ANO4: variants seen among roughly 807,000 people sequenced by gnomAD.
ANO4 encodes the protein anoctamin 4.
In ANO4, 69 loss-of-function variants were observed where a neutral mutation model predicts 141.9. The observed-to-expected ratio is 0.49, with a 90% CI of 0.40 to 0.59. The LOEUF (loss-of-function observed/expected upper bound fraction) is 0.59, where lower values mean the gene tolerates loss of function less well. Ranked by LOEUF, ANO4 falls within the 20% of genes least tolerant of loss-of-function variation. ANO4 has a pLI of 0.00. For missense variants in ANO4, 894 were observed against 1,162.2 expected, an observed-to-expected ratio of 0.77 and a Z score of 3.36; for synonymous variants, 350 against 394.3, an observed-to-expected ratio of 0.89 and a Z score of 1.33.
At chr12:100,995,104 G>A (rs1039181967) in intron 8 of ANO4, among the ~76,000 whole-genome samples, 5 of 150,592 alleles carry the variant, frequency 3.3e-5, no homozygotes, top group Admixed American at 3.3e-4. Context: ...AAATGCTATG[G>A]GAACAGAGAA....
intron 2 of ANO4, among the ~76,000 whole-genome samples, chr12:100,918,943 A>T (rs982467373): frequency 1.3e-5 from 2 of 152,132 alleles, no homozygotes; most frequent in Admixed American, 6.6e-5. Flanking sequence ...AATAAGTGAC[A>T]TTGATAATCC....
At chr12:100,739,752 G>C in intron 2 of ANO4, 1 of 655,228 alleles carries the variant, frequency 1.5e-6, no homozygotes, top group Non-Finnish European at 2.8e-6. Context: ...AGCTCAAATG[G>C]TATTTGGTTT....
intron 13 of ANO4, among the ~76,000 whole-genome samples, chr12:101,046,876 G>A (rs1381058668): frequency 6.6e-6 from 1 of 152,200 alleles, no homozygotes; most frequent in Non-Finnish European, 1.5e-5. Flanking sequence ...GATCTGGGTA[G>A]CCAAAACAAT....
intron 3 of ANO4, among the ~76,000 whole-genome samples, chr12:100,781,745 A>G (rs1209463182): frequency 6.6e-6 from 1 of 152,220 alleles, no homozygotes; most frequent in Non-Finnish European, 1.5e-5. Context: ...ATCCCCTGCC[A>G]TGGATGCATG....
At chr12:100,877,342 CTATAA>C (rs1388680780) in intron 1 of ANO4, among the ~76,000 whole-genome samples, 3 of 151,020 alleles carry the variant, frequency 2.0e-5, no homozygotes, top group Non-Finnish European at 4.4e-5. Context: ...TTTAATCATT[CTATAA>C]TATATGATAT....
At chr12:100,971,434 C>T (rs781254474) in intron 6 of ANO4, 28 bp downstream of exon 6, 1 of 1,430,004 alleles carries the variant, frequency 7.0e-7, no homozygotes, top group Non-Finnish European at 9.8e-7. Flanking sequence ...TTATTCCACT[C>T]TCTCTGCTGC....
At chr12:101,015,391 T>C (rs1008501338) in intron 8 of ANO4, among the ~76,000 whole-genome samples, 2 of 152,184 alleles carry the variant, frequency 1.3e-5, no homozygotes, top group Non-Finnish European at 2.9e-5. Context: ...TTTGAACCTT[T>C]TCTCCTTGTC....
intron 5 of ANO4, among the ~76,000 whole-genome samples, chr12:100,965,259 T>C (rs1015968990): frequency 6.6e-6 from 1 of 151,596 alleles, no homozygotes; most frequent in Non-Finnish European, 1.5e-5. Context: ...AGGCACGGGA[T>C]TTTTTTTTCA....
chr12:100,807,718 C>A (rs2035147565), intron 1 of ANO4, among the ~76,000 whole-genome samples: 1 of 152,162 alleles, frequency 6.6e-6, no homozygotes, highest in African/African-American at 2.4e-5. Context: ...CCCTCCGCCC[C>A]TGACAGGCCC....
chr12:101,092,684 A>G (rs1036909477), intron 17 of ANO4, among the ~76,000 whole-genome samples: 3 of 152,108 alleles, frequency 2.0e-5, no homozygotes, highest in African/African-American at 7.2e-5. Flanking sequence ...ATTTTTCACA[A>G]GGTTAATATT....
intron 1 of ANO4, among the ~76,000 whole-genome samples, chr12:100,833,157 A>G (rs2036721445): frequency 6.6e-6 from 1 of 152,114 alleles, no homozygotes; most frequent in Non-Finnish European, 1.5e-5. Flanking sequence ...GGAGAGGGTA[A>G]TGAAAATGAA....
At chr12:100,972,315 A>G (rs1289591231) in intron 6 of ANO4, among the ~76,000 whole-genome samples, 2 of 152,258 alleles carry the variant, frequency 1.3e-5, no homozygotes, top group South Asian at 4.1e-4. Flanking sequence ...TTATAGAGAC[A>G]GAGAGAAGGG....
chr12:101,024,295 T>C (rs2046645649), intron 9 of ANO4, among the ~76,000 whole-genome samples: 1 of 152,158 alleles, frequency 6.6e-6, no homozygotes, highest in South Asian at 2.1e-4. Context: ...ATGATAAACT[T>C]ATAAAAGTTA....
intron 4 of ANO4, among the ~76,000 whole-genome samples, chr12:100,939,761 G>A (rs2042431384): frequency 6.6e-6 from 1 of 152,094 alleles, no homozygotes. Context: ...ACAGGGATGG[G>A]CTTCCTTGTA....
intron 3 of ANO4, among the ~76,000 whole-genome samples, chr12:100,759,236 A>G (rs1183493581): frequency 6.6e-6 from 1 of 152,110 alleles, no homozygotes; most frequent in Non-Finnish European, 1.5e-5. Flanking sequence ...TAGTCTCTCA[A>G]TATGTGGGTG....
intron 22 of ANO4, among the ~76,000 whole-genome samples, chr12:101,103,207 A>C (rs1268087615): frequency 1.2e-5 from 1 of 83,818 alleles, no homozygotes; most frequent in East Asian, 9.9e-4. Context: ...ATATATATAT[A>C]TATATATATA....
chr12:101,028,775 G>C (rs2046846726), intron 9 of ANO4, among the ~76,000 whole-genome samples: 1 of 152,182 alleles, frequency 6.6e-6, no homozygotes, highest in Non-Finnish European at 1.5e-5. Context: ...TTATCCAGGA[G>C]AATTTCCCTA....
At chr12:100,972,728 G>A (rs975313440) in intron 6 of ANO4, among the ~76,000 whole-genome samples, 9 of 152,062 alleles carry the variant, frequency 5.9e-5, no homozygotes, top group East Asian at 1.9e-4. Context: ...CCTAAGAACC[G>A]AAAGAGAAAG....
In ANO4 at chr12:100,743,108, C is replaced by T. The variant is rs527503754; in HGVS notation, c.358+3003C>T. Among the ~76,000 whole-genome samples, 6 of 151,646 alleles carry T rather than the reference C, an allele frequency of 4.0e-5. No homozygotes were observed. In the East Asian group the frequency reaches 1.2e-3, roughly 29 times the overall value. On this transcript the variant is annotated intron_variant, in intron 3 of 29. Transcript: ENST00000644049. Reference sequence around the variant, plus strand: ...AAATTAAGTAAGGCATCACCTCTATCTCAGGAGCTCAGAGTCTAGTGGAGG... The same window carrying T: ...AAATTAAGTAAGGCATCACCTCTATTTCAGGAGCTCAGAGTCTAGTGGAGG...
Sources: gnomAD v4.1 joint callset for allele counts (sites outside exome capture counted in the v4.1 genomes callset) on GRCh38, gnomAD v4.1.1 for gene constraint, MANE v1.5 for transcripts, NCBI Gene and HGNC (gene_info 2026-07-23, HGNC 2026-07-21) for gene names.